The following PI4KA variants were observed in gnomAD, a reference collection of about 807,000 sequenced individuals.
The protein encoded by PI4KA is phosphatidylinositol 4-kinase alpha, also known as PI4-kinase alpha.
PI4KA carries 122 observed loss-of-function variants against 271.4 expected under a neutral mutation model. That is an observed-to-expected ratio of 0.45 (90% CI 0.39 to 0.52). The LOEUF (loss-of-function observed/expected upper bound fraction) is 0.52, where lower values mean the gene tolerates loss of function less well. Ranked by LOEUF, PI4KA falls within the 20% of genes least tolerant of loss-of-function variation. PI4KA has a pLI of 0.00. For missense variants in PI4KA, 1,969 were observed against 2,769.1 expected, an observed-to-expected ratio of 0.71 and a Z score of 6.48; for synonymous variants, 1,041 against 1,078.8, an observed-to-expected ratio of 0.96 and a Z score of 0.69.
rs745355230 is a variant in PI4KA at position 20,733,775 on chromosome 22, A to T, written c.4121T>A (p.Leu1374His). 1 of 1,613,286 alleles carries T rather than the reference A, an allele frequency of 6.2e-7. No homozygotes were observed. Among genetic ancestry groups the T allele is most frequent in the Non-Finnish European group, 8.5e-7 (1 of 1,179,850 alleles). Residue 1374 changes from leucine to histidine, a missense_variant, in exon 35 of 55, where the codon CTT becomes CAT. Physicochemically the swap from Leu to His is moderately conservative, Grantham distance 99. This residue lies in a region of PI4KA where 72 missense variants were observed against 103.1 expected (regional missense o/e 0.70). Coordinates refer to ENST00000255882, the MANE Select transcript of PI4KA (RefSeq NM_058004.4). Reference protein sequence around the residue: ...VVPNATIRNVLREKIYSTAFD... With the variant: ...VVPNATIRNVHREKIYSTAFD... Reference sequence around the variant, plus strand: ...GGCAGTGGAGTAGATCTTCTCGCGAAGCACATTGCGGATGGTTGCATTTGG... The same window carrying T: ...GGCAGTGGAGTAGATCTTCTCGCGATGCACATTGCGGATGGTTGCATTTGG...
At chr22:20,775,893 T>A (rs1161455787) in intron 19 of PI4KA, among the ~76,000 whole-genome samples, 1 of 152,152 alleles carries the variant, frequency 6.6e-6, no homozygotes, top group Non-Finnish European at 1.5e-5. Context: ...CTTTCTTTGT[T>A]CCTGACTTTT....
intron 43 of PI4KA, among the ~76,000 whole-genome samples, chr22:20,720,207 C>T (rs540205380): frequency 6.6e-6 from 1 of 152,140 alleles, no homozygotes; most frequent in African/African-American, 2.4e-5. Context: ...GGTCCAGGTG[C>T]GACGTAGACA....
intron 36 of PI4KA, among the ~76,000 whole-genome samples, chr22:20,732,499 C>T (rs1047323826): frequency 1.3e-5 from 2 of 152,382 alleles, no homozygotes; most frequent in Admixed American, 6.5e-5. Context: ...AACTGTCTCT[C>T]TTCCAGAAAA....
At chr22:20,853,412 G>A (rs1231568031) in intron 1 of PI4KA, among the ~76,000 whole-genome samples, 2 of 152,206 alleles carry the variant, frequency 1.3e-5, no homozygotes, top group African/African-American at 2.4e-5. Flanking sequence ...GAAGACAGGT[G>A]AGAACCAGGA....
At chr22:20,789,486 C>G (rs1427637980) in intron 19 of PI4KA, among the ~76,000 whole-genome samples, 1 of 152,170 alleles carries the variant, frequency 6.6e-6, no homozygotes, top group Non-Finnish European at 1.5e-5. Flanking sequence ...CGTGCCACCA[C>G]GCTTGGCTAA....
At chr22:20,767,046 A>C (rs1932599821) in intron 19 of PI4KA, among the ~76,000 whole-genome samples, 1 of 152,260 alleles carries the variant, frequency 6.6e-6, no homozygotes, top group South Asian at 2.1e-4. Context: ...AAAAATGTTA[A>C]AAAGCTGATT....
At chr22:20,779,311 A>C (rs1419534017) in intron 19 of PI4KA, 3 of 1,614,164 alleles carry the variant, frequency 1.9e-6, no homozygotes, top group Non-Finnish European at 2.5e-6. Context: ...AGCTCCGCCA[A>C]AATGAAACAC....
chr22:20,839,743 T>C (rs766892602), intron 1 of PI4KA, among the ~76,000 whole-genome samples: 14 of 152,196 alleles, frequency 9.2e-5, no homozygotes, highest in South Asian at 4.1e-4. Flanking sequence ...GGCAGGAGAA[T>C]TGCTTGAACC....
Position 20,793,323 on chromosome 22 carries a change from T to C in PI4KA, c.2278-80A>G, listed in dbSNP as rs960342062. 7 of 803,710 alleles carry C rather than the reference T, an allele frequency of 8.7e-6. No homozygotes were observed. In the African/African-American group the frequency reaches 1.0e-4, roughly 12 times the overall value. The allele number at this position is 803,710 out of a possible 1,614,324, so 49.8% of individuals were successfully genotyped here. ...AAAAAAAACACAAGATACAACATAGTGTTATGTAAACCTGGAATGTCTTAA... is the reference window on the plus strand; with the variant it reads ...AAAAAAAACACAAGATACAACATAGCGTTATGTAAACCTGGAATGTCTTAA... On this transcript the variant is annotated intron_variant, in intron 18 of 54. Transcript: ENST00000255882.
Position 20,779,335 on chromosome 22 carries a change from T to G in PI4KA, c.2329-13642A>C. On this transcript the variant is annotated intron_variant, in intron 19 of 54. Transcript: ENST00000255882. ...AAAATGAAACACTCATTAAACGCAC[T>G]TCTCATTTTCCTCATCATAACATCT... The G allele has an allele frequency of 6.2e-7, 1 of 1,614,204 alleles. No individual in the cohort carries two copies. The highest frequency in any genetic ancestry group is 1.1e-5 in the South Asian group (1 of 91,078).
intron 30 of PI4KA, among the ~76,000 whole-genome samples, chr22:20,744,195 G>A (rs566198302): frequency 1.3e-5 from 2 of 152,184 alleles, no homozygotes; most frequent in Non-Finnish European, 2.9e-5. Flanking sequence ...GAAAGCCCAC[G>A]ATGTGGAGTT....
At chr22:20,773,205 G>A (rs1018866762) in intron 19 of PI4KA, among the ~76,000 whole-genome samples, 2 of 152,114 alleles carry the variant, frequency 1.3e-5, no homozygotes, top group Non-Finnish European at 2.9e-5. Flanking sequence ...GGCCAACATA[G>A]TGAAACCCCG....
In PI4KA at chr22:20,820,593, G is replaced by A; in HGVS notation, c.475C>T (p.Gln159Ter). The A allele has an allele frequency of 3.7e-6, 6 of 1,608,518 alleles. No homozygotes were observed. Among genetic ancestry groups the A allele is most frequent in the Non-Finnish European group, 4.3e-6 (5 of 1,176,252 alleles). ...ATCCCCAAGAGGACATGCAAAACCT[G>A]CAAAAGCACCTCTAAAATCTGTAAC... ...LRDEILEVLL[Q>*]VLHVLLGMCQ... The change falls in exon 5 of 55, where the codon CAG becomes TAG. Residue 159 changes from glutamine to a stop codon, truncating the protein, a stop_gained. Transcript: ENST00000255882. LOFTEE classifies it high-confidence loss of function.
intron 3 of PI4KA, among the ~76,000 whole-genome samples, chr22:20,833,820 C>A (rs558711498): frequency 4.6e-5 from 7 of 151,892 alleles, no homozygotes; most frequent in Non-Finnish European, 1.0e-4. Context: ...CCACCATGCC[C>A]GGCTAATTTT....
chr22:20,847,967 G>A (rs1434789889), intron 1 of PI4KA, among the ~76,000 whole-genome samples: 2 of 152,314 alleles, frequency 1.3e-5, no homozygotes, highest in East Asian at 3.9e-4. Context: ...GCCGAGCACA[G>A]TGGCTCACGC....
chr22:20,769,753 C>T (rs894259876), intron 19 of PI4KA, among the ~76,000 whole-genome samples: 4 of 151,080 alleles, frequency 2.6e-5, no homozygotes, highest in Admixed American at 6.6e-5. Context: ...CAGTCAAATG[C>T]GACACATGAA....
At chr22:20,812,637 T>C (rs1212917498) in intron 8 of PI4KA, among the ~76,000 whole-genome samples, 1 of 152,196 alleles carries the variant, frequency 6.6e-6, no homozygotes, top group Non-Finnish European at 1.5e-5. Context: ...TACTGCAACC[T>C]CCACCTCCAA....
At chr22:20,735,115 T>C (rs953421079) in intron 32 of PI4KA, among the ~76,000 whole-genome samples, 3 of 151,306 alleles carry the variant, frequency 2.0e-5, no homozygotes, top group African/African-American at 7.3e-5. Context: ...GGCCCAGTCA[T>C]GCTCAGCCAG....
At chr22:20,827,846 G>A (rs914766676) in intron 3 of PI4KA, among the ~76,000 whole-genome samples, 1 of 152,062 alleles carries the variant, frequency 6.6e-6, no homozygotes, top group South Asian at 2.1e-4. Flanking sequence ...CCAGGCTGGA[G>A]GGCAGTGGCA....
Sources: allele counts gnomAD v4.1 joint callset (sites outside exome capture counted in the v4.1 genomes callset), GRCh38; gene constraint gnomAD v4.1.1; regional missense constraint gnomAD v4.1.1; transcripts MANE v1.5; gene names NCBI Gene and HGNC (gene_info 2026-07-23, HGNC 2026-07-21).